Variants in HAUS6 observed in about 807,000 individuals in gnomAD.
The protein encoded by HAUS6 is HAUS augmin-like complex subunit 6.
In HAUS6, 80 loss-of-function variants were observed where a neutral mutation model predicts 106.8. That is an observed-to-expected ratio of 0.75 (90% CI 0.63 to 0.90). HAUS6 has a LOEUF of 0.90. Ranked by LOEUF, HAUS6 falls within the 40% of genes least tolerant of loss-of-function variation. The probability of loss-of-function intolerance (pLI) is 0.00; values close to 1 mark genes in which losing one functional copy is unlikely to be tolerated. For synonymous variants in HAUS6, 356 were observed against 379.1 expected (o/e 0.94, Z 0.71); for missense variants, 1,155 against 1,118.1 (o/e 1.03, Z -0.47).
At chr9:19,090,840 T>G (rs1817729336) in intron 4 of HAUS6, among the ~76,000 whole-genome samples, 1 of 152,192 alleles carries the variant, frequency 6.6e-6, no homozygotes, top group East Asian at 1.9e-4. Context: ...AAAACCAGAG[T>G]AGACCTGAGA....
At chr9:19,092,337 C>CTGTAATCCTAACACTTTGG (rs1300262839) in intron 4 of HAUS6, among the ~76,000 whole-genome samples, 5 of 151,640 alleles carry the variant, frequency 3.3e-5, no homozygotes, top group East Asian at 1.9e-4. Flanking sequence ...TGTCTCATGC[C>CTGTAATCCTAACACTTTGG]TGTAATCCTA....
intron 12 of HAUS6, among the ~76,000 whole-genome samples, 168 bp downstream of exon 12, chr9:19,070,051 A>G (rs777495934): frequency 1.4e-4 from 22 of 152,158 alleles, no homozygotes; most frequent in Non-Finnish European, 2.8e-4. Context: ...GTGAGCCACT[A>G]CATCCAGTGA....
Position 19,063,503 on chromosome 9 carries a change from T to C in HAUS6, c.1443+11A>G. On this transcript the variant is annotated intron_variant, in intron 13 of 16. Transcript: ENST00000380502. The stretch of plus-strand genomic sequence containing the variant: ...GGTCCAGAATTAATTGAGACTTATT[T>C]TAAAATATACCTTTTCAAGTACTGT... 4.2e-6 allele frequency: 6 copies of C among 1,424,580 alleles called. 1 individual carries two copies. Among genetic ancestry groups the C allele is most frequent in the Non-Finnish European group, 5.9e-6 (6 of 1,015,244 alleles). The allele number at this position is 1,424,580 out of a possible 1,614,324, so 88.2% of individuals were successfully genotyped here. A position where few individuals can be genotyped will look rare whatever the true frequency, so the allele number is the denominator to read the frequency against.
chr9:19,060,494 G>C (rs937028056), intron 14 of HAUS6, among the ~76,000 whole-genome samples: 3 of 152,222 alleles, frequency 2.0e-5, no homozygotes, highest in African/African-American at 7.2e-5. Context: ...TTTATGCTGG[G>C]AAGATTTAGA....
At chr9:19,093,104 TA>T (rs1278787951) in intron 4 of HAUS6, 66 bp downstream of exon 4, 1 of 1,156,228 alleles carries the variant, frequency 8.6e-7, no homozygotes, top group East Asian at 2.6e-5. Flanking sequence ...CTTCACGATT[TA>T]AAAATTGTAA....
chr9:19,083,801 CA>C (rs1207422147), intron 7 of HAUS6, among the ~76,000 whole-genome samples: 1,399 of 54,462 alleles, frequency 0.026, 16 homozygotes, highest in Non-Finnish European at 0.036. Flanking sequence ...GACTCCATCT[CA>C]AAAAAAAAAA....
rs1836572081 is a variant in HAUS6, at chr9:19,059,958, T to C, written c.1765+130A>G. The C allele has an allele frequency of 2.2e-5, 14 of 629,436 alleles. No individual in the cohort carries two copies. The South Asian group carries it at 2.6e-4, about 12-fold the overall frequency. The allele number at this position is 629,436 out of a possible 1,614,324, so 39.0% of individuals were successfully genotyped here. ...ACTGTTATGTGAGAATGCCCACACTTAGTACGTCGATTACAACAGCATAAA... is the reference window on the plus strand; with the variant it reads ...ACTGTTATGTGAGAATGCCCACACTCAGTACGTCGATTACAACAGCATAAA... On this transcript the variant is annotated intron_variant, in intron 15 of 16. Transcript: ENST00000380502.
intron 14 of HAUS6, among the ~76,000 whole-genome samples, chr9:19,060,927 C>T (rs1836600852): frequency 6.6e-6 from 1 of 152,086 alleles, no homozygotes; most frequent in Non-Finnish European, 1.5e-5. Context: ...TTTGGGAGGC[C>T]GAGACGGTCG....
intron 12 of HAUS6, among the ~76,000 whole-genome samples, chr9:19,066,111 G>GT (rs1408913153): frequency 2.0e-5 from 3 of 151,594 alleles, no homozygotes; most frequent in Admixed American, 6.6e-5. Flanking sequence ...AATTTTTGTA[G>GT]TTTTAATAGG....
intron 1 of HAUS6, among the ~76,000 whole-genome samples, 194 bp downstream of exon 1, chr9:19,102,330 T>C (rs540120316): frequency 6.6e-6 from 1 of 152,310 alleles, no homozygotes; most frequent in African/African-American, 2.4e-5. Flanking sequence ...CTTCCGGCAC[T>C]CTTGCATTAT....
In HAUS6 at chr9:19,058,283, A is replaced by G. The variant is rs774526121; in HGVS notation, c.2484T>C (p.Phe828=). 3.7e-6 allele frequency: 6 copies of G among 1,613,670 alleles called. No homozygotes were observed. The highest frequency in any genetic ancestry group is 3.3e-5 in the Admixed American group (2 of 60,002). The change falls in exon 16 of 17, where the codon TTT becomes TTC. Residue 828 remains phenylalanine, a synonymous_variant. Transcript: ENST00000380502. ...ATCTACTGCGAAGAGCCTGTAAATTAAAGTCTGATTCTGGAGTAGTCTGTC... is the reference window on the plus strand; with the variant it reads ...ATCTACTGCGAAGAGCCTGTAAATTGAAGTCTGATTCTGGAGTAGTCTGTC... ...GGRQTTPESD[F]NLQALRSRYE...
In HAUS6 at chr9:19,102,738, C is replaced by A. The variant is rs1004671934; in HGVS notation, c.-87G>T. 7.2e-7 allele frequency: 1 copy of A among 1,379,702 alleles called. No homozygotes were observed. Among genetic ancestry groups the A allele is most frequent in the African/African-American group, 1.5e-5 (1 of 68,874 alleles). 85.5% of individuals were successfully genotyped at this position (1,379,702 alleles called of 1,614,324 possible). A position where few individuals can be genotyped will look rare whatever the true frequency, so the allele number is the denominator to read the frequency against. ...CCTCAAGATCCCTCCCTACGGTCAG[C>A]CTGAGGTCGCGGTGGTCCTTCCATT... On this transcript the variant is annotated 5_prime_UTR_variant, in exon 1 of 17. Transcript: ENST00000380502.
At chr9:19,089,224 C>G (rs1018409135) in intron 5 of HAUS6, among the ~76,000 whole-genome samples, 188 bp downstream of exon 5, 1 of 151,714 alleles carries the variant, frequency 6.6e-6, no homozygotes, top group Non-Finnish European at 1.5e-5. Context: ...GCCTAGGAGC[C>G]TGGGTGACAG....
intron 9 of HAUS6, 140 bp downstream of exon 9, chr9:19,080,339 A>G: frequency 1.6e-6 from 1 of 615,802 alleles, no homozygotes; most frequent in Non-Finnish European, 2.9e-6. Flanking sequence ...TATCTCCAAG[A>G]GTTGATTATG....
chr9:19,062,263 T>C (rs1051563406), intron 14 of HAUS6, among the ~76,000 whole-genome samples: 6 of 152,184 alleles, frequency 3.9e-5, no homozygotes, highest in African/African-American at 9.7e-5. Flanking sequence ...ACAAAACCTA[T>C]GCTCAGTGAT....
intron 9 of HAUS6, among the ~76,000 whole-genome samples, chr9:19,079,529 C>G (rs909545828): frequency 2.0e-5 from 3 of 152,054 alleles, no homozygotes; most frequent in Non-Finnish European, 4.4e-5. Context: ...CCATGCCCAG[C>G]TACTCCATTT....
rs1317900432 is a variant in HAUS6 at position 19,060,090 on chromosome 9, A to C, written c.1763T>G (p.Leu588Trp). 1 of 1,606,198 alleles carries C rather than the reference A, an allele frequency of 6.2e-7. No homozygotes were observed. Among genetic ancestry groups the C allele is most frequent in the Admixed American group, 1.7e-5 (1 of 58,510 alleles). ...RNQIPRTPEN[L>W]ITEIRSSWRK... is the part of the protein sequence containing the mutation. ...AACAGAAAGCATTATTAACTTACTC[A>C]AGTTTTCTGGAGTACGGGGAATCTG... The change falls in exon 15 of 17, where the codon TTG becomes TGG. Residue 588 changes from leucine (L) to tryptophan (W), a missense_variant and splice_region_variant. This residue lies in a region of HAUS6 where 761 missense variants were observed against 690.0 expected (regional missense o/e 1.10). Transcript: ENST00000380502.
chr9:19,082,038 G>T (rs896504931), intron 8 of HAUS6, among the ~76,000 whole-genome samples: 1 of 152,208 alleles, frequency 6.6e-6, no homozygotes, highest in Non-Finnish European at 1.5e-5. Context: ...CCATAAGCAA[G>T]TGGAAATAAC....
At chr9:19,069,683 G>A (rs1266278638) in intron 12 of HAUS6, among the ~76,000 whole-genome samples, 2 of 151,822 alleles carry the variant, frequency 1.3e-5, no homozygotes, top group Non-Finnish European at 2.9e-5. Context: ...TAGGAAACAA[G>A]AGCAAGACTC....
Sources: gnomAD v4.1 joint callset for allele counts (sites outside exome capture counted in the v4.1 genomes callset) on GRCh38, gnomAD v4.1.1 for gene constraint, gnomAD v4.1.1 regional missense constraint, MANE v1.5 for transcripts, NCBI Gene and HGNC (gene_info 2026-07-23, HGNC 2026-07-21) for gene names.